Variants in LHFPL3 observed in about 807,000 individuals in gnomAD.
LHFPL3 encodes LHFPL tetraspan subfamily member 3.
LHFPL3 carries 5 observed loss-of-function variants against 19.3 expected under a neutral mutation model. The observed-to-expected ratio is 0.26, with a 90% confidence interval of 0.14 to 0.54. LHFPL3 has a LOEUF of 0.54. Ranked by LOEUF, LHFPL3 falls within the 20% of genes least tolerant of loss-of-function variation. The pLI, the probability that LHFPL3 is intolerant of heterozygous loss-of-function variation, is 0.94. For synonymous variants in LHFPL3, 133 were observed against 126.2 expected, an observed-to-expected ratio of 1.05 and a Z score of -0.36; for missense variants, 249 against 307.4, an observed-to-expected ratio of 0.81 and a Z score of 1.42.
chr7:104,888,413 C>T (rs1792189782), intron 2 of LHFPL3, among the ~76,000 whole-genome samples: 1 of 152,134 alleles, frequency 6.6e-6, no homozygotes, highest in Non-Finnish European at 1.5e-5. Flanking sequence ...GCCTGTAGCT[C>T]CAGCTAACCA....
At chr7:104,698,714 T>C (rs1432164570) in intron 1 of LHFPL3, among the ~76,000 whole-genome samples, 6 of 152,168 alleles carry the variant, frequency 3.9e-5, no homozygotes. Flanking sequence ...TACATCCAGA[T>C]GAAGGAATAT....
chr7:104,837,778 T>C (rs751048749), intron 2 of LHFPL3, among the ~76,000 whole-genome samples: 1 of 152,140 alleles, frequency 6.6e-6, no homozygotes, highest in Non-Finnish European at 1.5e-5. Flanking sequence ...TCAGTCTAAC[T>C]CAAAGCCCAC....
intron 1 of LHFPL3, among the ~76,000 whole-genome samples, chr7:104,381,121 G>T (rs937582191): frequency 1.3e-5 from 2 of 152,150 alleles, no homozygotes; most frequent in East Asian, 3.9e-4. Context: ...AAAACATAGA[G>T]CATGATGACA....
intron 1 of LHFPL3, among the ~76,000 whole-genome samples, chr7:104,701,244 A>AT (rs904840251): frequency 4.0e-5 from 6 of 151,778 alleles, no homozygotes; most frequent in Admixed American, 2.0e-4. Flanking sequence ...TTGTGGGTGA[A>AT]TTTTTTTCTC....
intron 2 of LHFPL3, among the ~76,000 whole-genome samples, chr7:104,824,600 T>TAA (rs1233010922): frequency 1.5e-5 from 1 of 68,086 alleles, no homozygotes; most frequent in African/African-American, 5.5e-5. Flanking sequence ...TAATTATATA[T>TAA]TATATATAAT....
At chr7:104,786,464 A>C (rs1789918078) in intron 2 of LHFPL3, 1 of 152,198 alleles carries the variant, frequency 6.6e-6, no homozygotes, top group African/African-American at 2.4e-5. Context: ...TGTAATGTTT[A>C]ATAAATTGAA....
chr7:104,508,179 A>T (rs1013010412), intron 1 of LHFPL3, among the ~76,000 whole-genome samples: 2 of 152,146 alleles, frequency 1.3e-5, no homozygotes, highest in African/African-American at 4.8e-5. Flanking sequence ...TTGCGGCATT[A>T]TTCACGATCG....
chr7:104,329,499 G>A (rs144460324), intron 1 of LHFPL3, among the ~76,000 whole-genome samples: 63 of 152,384 alleles, frequency 4.1e-4, no homozygotes, highest in Middle Eastern at 3.4e-3. Flanking sequence ...GGGCGGTTGT[G>A]GGGCCGAGTC....
chr7:104,377,739 AC>A (rs1303006711), intron 1 of LHFPL3, among the ~76,000 whole-genome samples: 1 of 152,150 alleles, frequency 6.6e-6, no homozygotes, highest in East Asian at 1.9e-4. Context: ...TCAAATCATC[AC>A]AGTATCTGCT....
At chr7:104,863,169 T>C (rs139970581) in intron 2 of LHFPL3, among the ~76,000 whole-genome samples, 1 of 152,340 alleles carries the variant, frequency 6.6e-6, no homozygotes, top group African/African-American at 2.4e-5. Flanking sequence ...CAGATCTTAT[T>C]TTTTGTTGTT....
chr7:104,410,128 T>C (rs1336116226), intron 1 of LHFPL3, among the ~76,000 whole-genome samples: 2 of 151,732 alleles, frequency 1.3e-5, no homozygotes, highest in Non-Finnish European at 2.9e-5. Context: ...CTGCAGTTTT[T>C]TGTTGTTGTT....
intron 2 of LHFPL3, among the ~76,000 whole-genome samples, chr7:104,740,256 C>T (rs534208313): frequency 3.9e-5 from 6 of 152,236 alleles, no homozygotes; most frequent in Non-Finnish European, 8.8e-5. Context: ...AGAAGTTCTT[C>T]ATAGCAGCAT....
intron 2 of LHFPL3, among the ~76,000 whole-genome samples, chr7:104,859,289 A>C (rs1791570231): frequency 6.6e-6 from 1 of 151,540 alleles, no homozygotes; most frequent in Non-Finnish European, 1.5e-5. Context: ...ACAAAAAACC[A>C]AAATCTGTTA....
At position 104,792,242 on chromosome 7, in the gene LHFPL3, T is replaced by C. The variant is rs117540328; in HGVS notation, c.682+55331T>C. ...TCTTGGGAGGGAAAATGAATAGAAGTGTGTGCCTGTAGCCTCCTCGTTAGC... is the reference window on the plus strand; with the variant it reads ...TCTTGGGAGGGAAAATGAATAGAAGCGTGTGCCTGTAGCCTCCTCGTTAGC... On this transcript the variant is annotated intron_variant, in intron 2 of 2. Coordinates refer to ENST00000424859, the MANE Select transcript of LHFPL3 (RefSeq NM_199000.3). Among the ~76,000 whole-genome samples, 84 of 152,174 alleles carry C rather than the reference T, an allele frequency of 5.5e-4. 1 individual carries two copies. The East Asian group carries it at 0.016, about 29-fold the overall frequency.
intron 1 of LHFPL3, among the ~76,000 whole-genome samples, chr7:104,594,919 A>G (rs191174388): frequency 3.3e-4 from 50 of 152,258 alleles, no homozygotes; most frequent in African/African-American, 1.1e-3. Context: ...TACACTGTTT[A>G]TTCTAGTTAG....
chr7:104,569,349 A>C (rs1432034104), intron 1 of LHFPL3, among the ~76,000 whole-genome samples: 1 of 152,184 alleles, frequency 6.6e-6, no homozygotes, highest in Non-Finnish European at 1.5e-5. Flanking sequence ...GATACTCAAT[A>C]AATATATTTA....
At chr7:104,521,496 A>G (rs1181342725) in intron 1 of LHFPL3, among the ~76,000 whole-genome samples, 1 of 152,138 alleles carries the variant, frequency 6.6e-6, no homozygotes, top group Non-Finnish European at 1.5e-5. Flanking sequence ...TTCATGTCTA[A>G]AACACCAAAA....
At chr7:104,773,757 G>A (rs1206633676) in intron 2 of LHFPL3, among the ~76,000 whole-genome samples, 1 of 152,080 alleles carries the variant, frequency 6.6e-6, no homozygotes, top group African/African-American at 2.4e-5. Flanking sequence ...GAGATCGGGC[G>A]ACACATCCAC....
At chr7:104,809,890 C>A (rs1005049802) in intron 2 of LHFPL3, among the ~76,000 whole-genome samples, 1 of 152,090 alleles carries the variant, frequency 6.6e-6, no homozygotes, top group African/African-American at 2.4e-5. Context: ...GACATAGTTC[C>A]CACCCATTCA....
Sources: allele counts gnomAD v4.1 joint callset (sites outside exome capture counted in the v4.1 genomes callset), GRCh38; gene constraint gnomAD v4.1.1; transcripts MANE v1.5; gene names NCBI Gene and HGNC (gene_info 2026-07-23, HGNC 2026-07-21).